Variants in PAK3 observed in about 807,000 individuals in gnomAD.
PAK3 encodes the protein serine/threonine-protein kinase PAK 3.
PAK3 carries 4 observed loss-of-function variants against 41.0 expected under a neutral mutation model. The ratio of observed to expected loss-of-function variants is 0.10; its 90% CI spans 0.05 to 0.22. The LOEUF is 0.22. Ranked by LOEUF, PAK3 falls within the 10% of genes least tolerant of loss-of-function variation. The pLI is 1.00. For missense variants in PAK3, 205 were observed against 409.9 expected, an observed-to-expected ratio of 0.50 and a Z score of 4.32; for synonymous variants, 146 against 139.6, an observed-to-expected ratio of 1.05 and a Z score of -0.32.
chrX:111,207,176 G>GTA (rs1233428255), intron 16 of PAK3, among the ~76,000 whole-genome samples: 14 of 106,177 alleles, frequency 1.3e-4, no homozygotes, highest in Non-Finnish European at 2.7e-4. Context: ...ATATATGTGT[G>GTA]TATATATATA....
intron 1 of PAK3, among the ~76,000 whole-genome samples, chrX:110,994,637 C>T (rs1050365287): frequency 3.7e-4 from 41 of 111,937 alleles, no homozygotes; most frequent in African/African-American, 1.3e-3. Context: ...TCCTTTCACA[C>T]GTGTACCTCC....
intron 1 of PAK3, among the ~76,000 whole-genome samples, chrX:111,030,046 A>G (rs2092322246): frequency 8.9e-6 from 1 of 111,875 alleles, no homozygotes; most frequent in Non-Finnish European, 1.9e-5. Context: ...GCATCATTAC[A>G]TCTGCTTACA....
At chrX:110,974,601 C>A (rs1358921872) in intron 1 of PAK3, among the ~76,000 whole-genome samples, 1 of 112,028 alleles carries the variant, frequency 8.9e-6, no homozygotes, top group Non-Finnish European at 1.9e-5. Context: ...TCCTCCCTAA[C>A]TCATTTGATG....
intron 5 of PAK3, 21 bp downstream of exon 5, chrX:111,123,299 C>T: frequency 1.8e-6 from 2 of 1,138,021 alleles, no homozygotes; most frequent in Non-Finnish European, 2.4e-6. Context: ...AGTGGCCGGG[C>T]ATTGAAAATG....
At chrX:111,006,063 C>T (rs1389871741) in intron 1 of PAK3, among the ~76,000 whole-genome samples, 1 of 111,463 alleles carries the variant, frequency 9.0e-6, no homozygotes. Context: ...CTCAGCCCTG[C>T]ACATTAGAAT....
At chrX:111,094,679 CTTTTTTTTTTT>C (rs762547955), upstream of PAK3, among the ~76,000 whole-genome samples, 2 of 45,087 alleles carry the variant, frequency 4.4e-5, no homozygotes, top group South Asian at 1.2e-3. Context: ...ATCTGTAGCT[CTTTTTTTTTTT>C]TTTTTTTTTT....
chrX:111,092,359 CAG>C (rs1243908342), upstream of PAK3, among the ~76,000 whole-genome samples: 3 of 111,700 alleles, frequency 2.7e-5, no homozygotes, highest in Admixed American at 2.9e-4. Flanking sequence ...CTTTTATTCC[CAG>C]AGTGTCCCCT....
intron 1 of PAK3, among the ~76,000 whole-genome samples, chrX:111,056,493 C>A (rs2092606294): frequency 1.8e-5 from 2 of 111,928 alleles, no homozygotes; most frequent in African/African-American, 6.5e-5. Context: ...TTCCTTGAAC[C>A]CATTTCTGCC....
intron 1 of PAK3, among the ~76,000 whole-genome samples, chrX:110,978,988 T>A (rs1268611948): frequency 9.0e-6 from 1 of 111,533 alleles, no homozygotes; most frequent in Admixed American, 9.6e-5. Flanking sequence ...AATTACAAAT[T>A]CAGTTTTCTC....
intron 1 of PAK3, among the ~76,000 whole-genome samples, chrX:110,965,899 T>C (rs181665682): frequency 1.8e-4 from 20 of 111,724 alleles, no homozygotes; most frequent in South Asian, 1.5e-3. Flanking sequence ...GGTTAAGTAA[T>C]TCGCCCAACG....
chrX:111,146,071 C>T (rs1253556841), intron 6 of PAK3, among the ~76,000 whole-genome samples: 1 of 111,641 alleles, frequency 9.0e-6, no homozygotes, highest in African/African-American at 3.3e-5. Context: ...ATTGGTTAAC[C>T]AGAATTGGGA....
At chrX:111,147,480 C>T (rs942429169) in intron 6 of PAK3, among the ~76,000 whole-genome samples, 4 of 109,319 alleles carry the variant, frequency 3.7e-5, no homozygotes, top group Admixed American at 9.7e-5. Flanking sequence ...GATTTTCATG[C>T]GCTTTTTTTT....
intron 11 of PAK3, among the ~76,000 whole-genome samples, chrX:111,183,552 G>A (rs1381697546): frequency 9.0e-6 from 1 of 110,917 alleles, no homozygotes; most frequent in Non-Finnish European, 1.9e-5. Context: ...CTTCTTCCTA[G>A]GCTCACTTCT....
intron 1 of PAK3, among the ~76,000 whole-genome samples, chrX:111,022,053 A>C (rs1025138327): frequency 1.2e-4 from 13 of 112,021 alleles, no homozygotes; most frequent in African/African-American, 4.2e-4. Context: ...AGCTAAGAAT[A>C]ATTGGTGCTC....
intron 1 of PAK3, among the ~76,000 whole-genome samples, chrX:110,965,353 C>A (rs2091060264): frequency 8.9e-6 from 1 of 112,286 alleles, no homozygotes; most frequent in Admixed American, 9.4e-5. Context: ...CTATTGAGAT[C>A]TCTCCAAGCT....
intron 1 of PAK3, among the ~76,000 whole-genome samples, chrX:111,047,943 A>G (rs2092516125): frequency 9.0e-6 from 1 of 111,171 alleles, no homozygotes; most frequent in South Asian, 3.8e-4. Context: ...TTGGCTGCAT[A>G]CTCTCTTTCT....
intron 16 of PAK3, among the ~76,000 whole-genome samples, chrX:111,211,969 T>C (rs1396079264): frequency 2.7e-5 from 3 of 111,716 alleles, no homozygotes; most frequent in Non-Finnish European, 5.6e-5. Context: ...TGGAACCATC[T>C]GAAAGAAGCC....
chrX:111,019,530 CAAAAAA>C (rs145174631), intron 1 of PAK3, among the ~76,000 whole-genome samples: 5 of 74,983 alleles, frequency 6.7e-5, no homozygotes, highest in African/African-American at 2.0e-4. Flanking sequence ...ACCATCTTTA[CAAAAAA>C]AAAAAAAAAA....
chrX:110,959,852 T>C (rs751221238), intron 1 of PAK3, among the ~76,000 whole-genome samples: 5 of 112,020 alleles, frequency 4.5e-5, no homozygotes, highest in African/African-American at 1.6e-4. Context: ...AGCCAACAGA[T>C]AACAAAATTA....
Sources: allele counts gnomAD v4.1 joint callset (sites outside exome capture counted in the v4.1 genomes callset), GRCh38; gene constraint gnomAD v4.1.1; transcripts MANE v1.5; gene names NCBI Gene and HGNC (gene_info 2026-07-23, HGNC 2026-07-21).